Variants in CNTN4 observed in about 807,000 individuals in gnomAD.
The protein encoded by CNTN4 is contactin-4.
Under a neutral mutation model 122.5 loss-of-function variants are expected in CNTN4, and 77 were observed. The ratio of observed to expected loss-of-function variants is 0.63; its 90% confidence interval spans 0.52 to 0.76. CNTN4 has a LOEUF of 0.76. CNTN4 is among the 30% of genes least tolerant of loss of function. CNTN4 has a pLI of 0.00. For synonymous variants in CNTN4, 512 were observed against 447.0 expected, an observed-to-expected ratio of 1.15 and a Z score of -1.83; for missense variants, 1,256 against 1,259.1, an observed-to-expected ratio of 1.00 and a Z score of 0.04.
intron 7 of CNTN4, among the ~76,000 whole-genome samples, chr3:2,837,783 T>C (rs1338148197): frequency 2.6e-5 from 4 of 152,190 alleles, no homozygotes; most frequent in African/African-American, 9.7e-5. Flanking sequence ...AGAGGGAAGA[T>C]GGAGAGTCAG....
intron 4 of CNTN4, among the ~76,000 whole-genome samples, chr3:2,578,968 T>G (rs2079816963): frequency 6.6e-6 from 1 of 152,302 alleles, no homozygotes; most frequent in Non-Finnish European, 1.5e-5. Flanking sequence ...TTTAAGTCCA[T>G]AGTGGGAAAA....
intron 3 of CNTN4, among the ~76,000 whole-genome samples, chr3:2,347,376 A>G (rs1029420144): frequency 9.5e-5 from 11 of 115,534 alleles, no homozygotes; most frequent in African/African-American, 2.4e-4. Context: ...AAAGAAGCCA[A>G]TGGATGACTC....
At chr3:2,878,868 A>C (rs1334425543) in intron 8 of CNTN4, among the ~76,000 whole-genome samples, 1 of 152,188 alleles carries the variant, frequency 6.6e-6, no homozygotes, top group Non-Finnish European at 1.5e-5. Context: ...AACATGAAGC[A>C]AGCAAGACAG....
chr3:2,533,599 T>C (rs573376176), intron 3 of CNTN4, among the ~76,000 whole-genome samples: 1 of 152,350 alleles, frequency 6.6e-6, no homozygotes, highest in Admixed American at 6.5e-5. Context: ...TAAACATATG[T>C]GTGCATGTAT....
chr3:2,407,634 C>T (rs1197220898), intron 3 of CNTN4, among the ~76,000 whole-genome samples: 2 of 152,126 alleles, frequency 1.3e-5, no homozygotes, highest in African/African-American at 2.4e-5. Context: ...CTTGCTTCCT[C>T]CTCTGTCATT....
chr3:2,918,144 A>T (rs2094389860), intron 12 of CNTN4, among the ~76,000 whole-genome samples: 1 of 152,226 alleles, frequency 6.6e-6, no homozygotes, highest in Non-Finnish European at 1.5e-5. Flanking sequence ...AAAGAGCATG[A>T]TAAGCAAGAT....
At chr3:2,119,403 C>G (rs1312919325) in intron 2 of CNTN4, among the ~76,000 whole-genome samples, 1 of 152,196 alleles carries the variant, frequency 6.6e-6, no homozygotes, top group African/African-American at 2.4e-5. Flanking sequence ...GAAAGTTTCT[C>G]TAGCTGTTTT....
intron 7 of CNTN4, among the ~76,000 whole-genome samples, chr3:2,861,817 A>T (rs938665785): frequency 2.6e-5 from 4 of 152,200 alleles, no homozygotes; most frequent in Non-Finnish European, 5.9e-5. Flanking sequence ...TATTTGTCAA[A>T]TGAGCATGTT....
chr3:2,490,195 G>A (rs560770219), intron 3 of CNTN4, among the ~76,000 whole-genome samples: 65 of 152,056 alleles, frequency 4.3e-4, no homozygotes, highest in African/African-American at 1.3e-3. Flanking sequence ...TCTGCACCAG[G>A]GGCTTTTCCC....
intron 4 of CNTN4, among the ~76,000 whole-genome samples, chr3:2,575,809 CTTTTTTTTTTTTT>C (rs56303805): frequency 4.0e-5 from 4 of 101,242 alleles, no homozygotes; most frequent in African/African-American, 7.5e-5. Flanking sequence ...TCTTCTTCTT[CTTTTTTTTTTTTT>C]TTTTTTTTTT....
At chr3:2,990,818 T>C (rs1004979385) in intron 14 of CNTN4, among the ~76,000 whole-genome samples, 18 of 152,262 alleles carry the variant, frequency 1.2e-4, no homozygotes, top group Admixed American at 6.5e-4. Context: ...TAGTAAAATG[T>C]GAACAAGTAT....
At chr3:2,738,045 G>A (rs1320992220) in intron 5 of CNTN4, among the ~76,000 whole-genome samples, 3 of 152,140 alleles carry the variant, frequency 2.0e-5, no homozygotes, top group Admixed American at 2.0e-4. Context: ...GTCTACTCAG[G>A]ATTCCAGAAG....
chr3:2,136,868 A>G (rs1204197056), intron 2 of CNTN4, among the ~76,000 whole-genome samples: 2 of 152,202 alleles, frequency 1.3e-5, no homozygotes, highest in Non-Finnish European at 2.9e-5. Flanking sequence ...AACATGCAAT[A>G]AGTAAAGATG....
At chr3:2,152,761 G>A (rs919125745) in intron 2 of CNTN4, among the ~76,000 whole-genome samples, 5 of 152,178 alleles carry the variant, frequency 3.3e-5, no homozygotes, top group Non-Finnish European at 7.3e-5. Context: ...TTGGCAGTAC[G>A]ACTGGCTCTG....
chr3:2,752,785 T>A (rs2090157830), intron 6 of CNTN4, among the ~76,000 whole-genome samples: 1 of 152,168 alleles, frequency 6.6e-6, no homozygotes. Context: ...CACCTCTAGT[T>A]ACCACTCTTC....
chr3:2,524,339 A>G (rs1218680041), intron 3 of CNTN4, among the ~76,000 whole-genome samples: 2 of 152,102 alleles, frequency 1.3e-5, no homozygotes, highest in Non-Finnish European at 2.9e-5. Context: ...TGGCCAAATA[A>G]TATTTCATCA....
chr3:2,116,292 G>A (rs2033346721), intron 2 of CNTN4, among the ~76,000 whole-genome samples: 1 of 152,090 alleles, frequency 6.6e-6, no homozygotes. Flanking sequence ...GACATGTTAT[G>A]AATGTCACTC....
intron 3 of CNTN4, among the ~76,000 whole-genome samples, chr3:2,462,059 G>A (rs1377274846): frequency 6.6e-6 from 1 of 152,108 alleles, no homozygotes; most frequent in Non-Finnish European, 1.5e-5. Context: ...ACAGAGGCCA[G>A]GTATGCTGCT....
intron 8 of CNTN4, among the ~76,000 whole-genome samples, chr3:2,879,402 G>C (rs2093881680): frequency 1.3e-5 from 2 of 152,042 alleles, no homozygotes; most frequent in Admixed American, 1.3e-4. Flanking sequence ...TTTTGCTTAG[G>C]GCCACTGAGT....
Sources: gnomAD v4.1 joint callset for allele counts (sites outside exome capture counted in the v4.1 genomes callset) on GRCh38, gnomAD v4.1.1 for gene constraint, MANE v1.5 for transcripts, NCBI Gene and HGNC (gene_info 2026-07-23, HGNC 2026-07-21) for gene names.